The following SLC10A7 variants were observed in gnomAD, a reference collection of about 807,000 sequenced individuals.
The protein encoded by SLC10A7 is solute carrier family 10 member 7, also known as sodium/bile acid cotransporter 7.
SLC10A7 carries 29 observed loss-of-function variants against 43.2 expected under a neutral mutation model. The ratio of observed to expected loss-of-function variants is 0.67; its 90% CI spans 0.50 to 0.92. SLC10A7 has a LOEUF of 0.92. Ranked by LOEUF, SLC10A7 falls within the 40% of genes least tolerant of loss-of-function variation. The pLI is 0.00. For missense variants in SLC10A7, 295 were observed against 403.2 expected (o/e 0.73, Z 2.30); for synonymous variants, 152 against 144.8 (o/e 1.05, Z -0.35).
At chr4:146,346,443 T>C (rs190871670) in intron 5 of SLC10A7, among the ~76,000 whole-genome samples, 2 of 152,136 alleles carry the variant, frequency 1.3e-5, no homozygotes, top group African/African-American at 4.8e-5. Context: ...TAGAACTAGA[T>C]AGTACATGTT....
chr4:146,488,298 T>C (rs916908990), intron 4 of SLC10A7, among the ~76,000 whole-genome samples: 4 of 152,172 alleles, frequency 2.6e-5, no homozygotes, highest in Non-Finnish European at 5.9e-5. Context: ...ATATTAAATA[T>C]ATTTTAATTC....
intron 4 of SLC10A7, among the ~76,000 whole-genome samples, chr4:146,492,152 G>A (rs1735513575): frequency 6.6e-6 from 1 of 151,784 alleles, no homozygotes; most frequent in South Asian, 2.1e-4. Context: ...CCCTGGAGGC[G>A]GAGCTTGCAG....
chr4:146,395,957 G>C (rs187903216), intron 5 of SLC10A7, among the ~76,000 whole-genome samples: 153 of 152,256 alleles, frequency 1.0e-3, no homozygotes, highest in Non-Finnish European at 1.8e-3. Flanking sequence ...CTTTGAATTT[G>C]AGACACTGAT....
intron 4 of SLC10A7, among the ~76,000 whole-genome samples, chr4:146,502,301 G>T (rs1736494147): frequency 6.6e-6 from 1 of 152,152 alleles, no homozygotes. Context: ...ATTCGCTACT[G>T]GTTGGAATGT....
At chr4:146,260,799 A>G (rs1578727382) in intron 10 of SLC10A7, among the ~76,000 whole-genome samples, 2 of 152,248 alleles carry the variant, frequency 1.3e-5, no homozygotes, top group Middle Eastern at 3.4e-3. Context: ...CATGCAAAAC[A>G]CTTTCAAGTC....
At chr4:146,340,995 A>G (rs1460707665) in intron 5 of SLC10A7, among the ~76,000 whole-genome samples, 2 of 151,692 alleles carry the variant, frequency 1.3e-5, no homozygotes, top group Non-Finnish European at 2.9e-5. Context: ...TGACAGTTTA[A>G]AAAAAAATCT....
intron 10 of SLC10A7, among the ~76,000 whole-genome samples, chr4:146,268,932 G>A (rs546370571): frequency 2.6e-5 from 4 of 152,208 alleles, no homozygotes; most frequent in Admixed American, 1.3e-4. Flanking sequence ...GAAAATAACC[G>A]TTACACAGAA....
At chr4:146,264,447 G>A (rs916502220) in intron 10 of SLC10A7, among the ~76,000 whole-genome samples, 8 of 152,064 alleles carry the variant, frequency 5.3e-5, no homozygotes, top group African/African-American at 1.9e-4. Context: ...GTGTAGGTGT[G>A]CTATGTTCCT....
intron 10 of SLC10A7, among the ~76,000 whole-genome samples, chr4:146,274,099 C>T (rs1463208597): frequency 6.6e-6 from 1 of 151,920 alleles, no homozygotes; most frequent in Admixed American, 6.6e-5. Context: ...TTGCCCTCAG[C>T]TTGCCAGGAA....
chr4:146,280,902 G>A (rs1295756011), intron 10 of SLC10A7, among the ~76,000 whole-genome samples: 1 of 152,100 alleles, frequency 6.6e-6, no homozygotes, highest in Admixed American at 6.6e-5. Flanking sequence ...CTGAGGCCCA[G>A]GAAAGTATCA....
intron 7 of SLC10A7, among the ~76,000 whole-genome samples, chr4:146,295,229 G>C (rs1560773028): frequency 6.6e-6 from 1 of 152,162 alleles, no homozygotes; most frequent in Non-Finnish European, 1.5e-5. Flanking sequence ...GAAGTGAACT[G>C]ACAGTGTATT....
At chr4:146,285,754 G>A (rs1172349167) in intron 9 of SLC10A7, among the ~76,000 whole-genome samples, 3 of 152,228 alleles carry the variant, frequency 2.0e-5, no homozygotes, top group African/African-American at 7.2e-5. Context: ...TGCTAGATTT[G>A]TAGTGGTGAG....
intron 6 of SLC10A7, among the ~76,000 whole-genome samples, chr4:146,316,283 G>A (rs939952736): frequency 4.6e-5 from 7 of 151,994 alleles, no homozygotes; most frequent in African/African-American, 1.2e-4. Context: ...AAGCACTCTC[G>A]GTCCATGATA....
chr4:146,356,501 C>A (rs1308905436), intron 5 of SLC10A7, among the ~76,000 whole-genome samples: 1 of 151,954 alleles, frequency 6.6e-6, no homozygotes, highest in Non-Finnish European at 1.5e-5. Flanking sequence ...TTACCTTCTT[C>A]CCCTAGATCT....
At chr4:146,324,776 A>G (rs1732988737) in intron 6 of SLC10A7, among the ~76,000 whole-genome samples, 1 of 152,130 alleles carries the variant, frequency 6.6e-6, no homozygotes, top group Admixed American at 6.6e-5. Context: ...AATTAATGCA[A>G]ATAGTCTCTT....
intron 6 of SLC10A7, among the ~76,000 whole-genome samples, chr4:146,310,138 A>G (rs1731862594): frequency 6.6e-6 from 1 of 152,182 alleles, no homozygotes; most frequent in South Asian, 2.1e-4. Flanking sequence ...ATGTTGCTGC[A>G]AAGGACATGA....
At chr4:146,318,641 T>G (rs991182755) in intron 6 of SLC10A7, among the ~76,000 whole-genome samples, 1 of 152,082 alleles carries the variant, frequency 6.6e-6, no homozygotes, top group Non-Finnish European at 1.5e-5. Context: ...CATCTCTAGT[T>G]AAGATCTTTT....
In SLC10A7 at chr4:146,505,589, A is replaced by T. The variant is rs1454965560; in HGVS notation, c.321-1665T>A. On this transcript the variant is annotated intron_variant, in intron 3 of 11. Coordinates refer to ENST00000335472, the MANE Select transcript of SLC10A7 (RefSeq NM_001029998.6). ...ATATTATCTAAACTTTATGCAATGGATTCAACATTAGCTCTGAAATAGGAA... is the reference window on the plus strand; with the variant it reads ...ATATTATCTAAACTTTATGCAATGGTTTCAACATTAGCTCTGAAATAGGAA... 2.0e-5 allele frequency among the ~76,000 whole-genome samples: 3 copies of T among 152,194 alleles called. No individual in the cohort carries two copies. The East Asian group carries it at 5.8e-4, about 29-fold the overall frequency.
intron 5 of SLC10A7, among the ~76,000 whole-genome samples, chr4:146,427,468 A>C (rs1261415815): frequency 6.6e-6 from 1 of 152,140 alleles, no homozygotes; most frequent in Non-Finnish European, 1.5e-5. Flanking sequence ...TGACTTCAAC[A>C]GTTGTTTGGC....
Sources: allele counts gnomAD v4.1 joint callset (sites outside exome capture counted in the v4.1 genomes callset), GRCh38; gene constraint gnomAD v4.1.1; transcripts MANE v1.5; gene names NCBI Gene and HGNC (gene_info 2026-07-23, HGNC 2026-07-21).